The following NALF1 variants were observed in gnomAD, a reference collection of about 807,000 sequenced individuals.
NALF1 encodes family with sequence similarity 155 member A.
In NALF1, 3 loss-of-function variants were observed where a neutral mutation model predicts 48.4. The ratio of observed to expected loss-of-function variants is 0.06; its 90% CI spans 0.03 to 0.16. The LOEUF (loss-of-function observed/expected upper bound fraction) is 0.16, where lower values mean the gene tolerates loss of function less well. Ranked by LOEUF, NALF1 falls within the 10% of genes least tolerant of loss-of-function variation. The probability of loss-of-function intolerance (pLI) is 1.00; values close to 1 mark genes in which losing one functional copy is unlikely to be tolerated. For synonymous variants in NALF1, 262 were observed against 245.7 expected, an observed-to-expected ratio of 1.07 and a Z score of -0.62; for missense variants, 526 against 571.5, an observed-to-expected ratio of 0.92 and a Z score of 0.81.
chr13:107,579,999 T>C (rs1878260097), intron 1 of NALF1, among the ~76,000 whole-genome samples: 1 of 151,916 alleles, frequency 6.6e-6, no homozygotes. Context: ...CATGCACACG[T>C]ATGTTTATTG....
At chr13:107,510,157 A>T (rs906852722) in intron 1 of NALF1, among the ~76,000 whole-genome samples, 1 of 152,148 alleles carries the variant, frequency 6.6e-6, no homozygotes, top group Non-Finnish European at 1.5e-5. Flanking sequence ...TCCCGGTAGA[A>T]CACCTAATTA....
rs368835639 is a variant in NALF1 at position 107,309,686 on chromosome 13, G to A, written c.916-98931C>T. Among the ~76,000 whole-genome samples the A allele has an allele frequency of 9.7e-4, 147 of 152,288 alleles. 1 individual carries two copies. Among genetic ancestry groups the A allele is most frequent in the African/African-American group, 3.3e-3 (137 of 41,560 alleles). ...GTTAAGACAGAATCAGCCCCATTTGGTGTGATTATTCTCAATTCTGAGTCT... is the reference window on the plus strand; with the variant it reads ...GTTAAGACAGAATCAGCCCCATTTGATGTGATTATTCTCAATTCTGAGTCT... On this transcript the variant is annotated intron_variant, in intron 1 of 2. Transcript: ENST00000375915.
intron 1 of NALF1, among the ~76,000 whole-genome samples, chr13:107,228,977 C>T (rs990752043): frequency 3.2e-4 from 49 of 151,946 alleles, no homozygotes; most frequent in African/African-American, 1.1e-3. Context: ...AAAAACCCTC[C>T]ATTTCAATCA....
chr13:107,624,144 A>G (rs1879604771), intron 1 of NALF1, among the ~76,000 whole-genome samples: 1 of 152,170 alleles, frequency 6.6e-6, no homozygotes, highest in Non-Finnish European at 1.5e-5. Context: ...TACAAACAAG[A>G]CAACTGAGGT....
At chr13:107,612,440 C>T (rs1006633530) in intron 1 of NALF1, among the ~76,000 whole-genome samples, 1 of 151,998 alleles carries the variant, frequency 6.6e-6, no homozygotes, top group African/African-American at 2.4e-5. Context: ...TTGCCTGGGC[C>T]ATGGATTGCC....
chr13:107,587,916 G>T (rs1037251582), intron 1 of NALF1, among the ~76,000 whole-genome samples: 1 of 152,092 alleles, frequency 6.6e-6, no homozygotes, highest in African/African-American at 2.4e-5. Context: ...CCTCTCTTCT[G>T]TATCTCCAGG....
chr13:107,537,120 A>G (rs1247420797), intron 1 of NALF1, among the ~76,000 whole-genome samples: 1 of 152,080 alleles, frequency 6.6e-6, no homozygotes, highest in Non-Finnish European at 1.5e-5. Context: ...TAGAAGATAT[A>G]CCTAATGTAA....
intron 1 of NALF1, among the ~76,000 whole-genome samples, chr13:107,493,982 T>TGGTC: frequency 6.6e-6 from 1 of 152,246 alleles, no homozygotes; most frequent in East Asian, 1.9e-4. Flanking sequence ...GCAGAAGACA[T>TGGTC]TGTTTTCATT....
At chr13:107,208,779 AAT>A (rs1879695106) in intron 2 of NALF1, among the ~76,000 whole-genome samples, 1 of 152,184 alleles carries the variant, frequency 6.6e-6, no homozygotes. Flanking sequence ...AATATGAATT[AAT>A]AGCCTGTGTC....
chr13:107,301,205 G>T (rs1299584647), intron 1 of NALF1, among the ~76,000 whole-genome samples: 1 of 152,138 alleles, frequency 6.6e-6, no homozygotes, highest in African/African-American at 2.4e-5. Flanking sequence ...GTTACTCACT[G>T]TGCTGCTGTA....
At chr13:107,769,729 C>T (rs1877523726) in intron 1 of NALF1, among the ~76,000 whole-genome samples, 1 of 151,262 alleles carries the variant, frequency 6.6e-6, no homozygotes, top group South Asian at 2.1e-4. Context: ...GGTTTTAGTC[C>T]TAAAAAAACG....
At chr13:107,534,902 A>G (rs1179232973) in intron 1 of NALF1, among the ~76,000 whole-genome samples, 1 of 152,118 alleles carries the variant, frequency 6.6e-6, no homozygotes, top group Non-Finnish European at 1.5e-5. Context: ...GCATCCACAT[A>G]CCAAGATTTC....
intron 1 of NALF1, among the ~76,000 whole-genome samples, chr13:107,526,782 A>G (rs969093897): frequency 6.6e-6 from 1 of 152,190 alleles, no homozygotes; most frequent in Admixed American, 6.6e-5. Flanking sequence ...ACTCAAAATC[A>G]GTGAAAATCT....
At chr13:107,551,012 G>C (rs1394138689) in intron 1 of NALF1, among the ~76,000 whole-genome samples, 1 of 151,888 alleles carries the variant, frequency 6.6e-6, no homozygotes, top group Non-Finnish European at 1.5e-5. Flanking sequence ...CCCGTATGTG[G>C]TACCTGTAAC....
At chr13:107,789,582 G>A (rs953907721) in intron 1 of NALF1, among the ~76,000 whole-genome samples, 8 of 152,116 alleles carry the variant, frequency 5.3e-5, no homozygotes, top group African/African-American at 1.9e-4. Flanking sequence ...GTAAGCAATG[G>A]CTACACCCCA....
chr13:107,660,244 C>G (rs1880691715), intron 1 of NALF1, among the ~76,000 whole-genome samples: 1 of 151,616 alleles, frequency 6.6e-6, no homozygotes, highest in Non-Finnish European at 1.5e-5. Context: ...TCAAGACCAT[C>G]CTGGCCAAGA....
chr13:107,662,492 G>T (rs1880757490), intron 1 of NALF1, among the ~76,000 whole-genome samples: 1 of 152,144 alleles, frequency 6.6e-6, no homozygotes, highest in African/African-American at 2.4e-5. Context: ...CTGATAACTA[G>T]CAGATACACA....
At chr13:107,645,680 CAAAAAAAAAAAA>C (rs56187783) in intron 1 of NALF1, among the ~76,000 whole-genome samples, 40 of 132,500 alleles carry the variant, frequency 3.0e-4, no homozygotes, top group African/African-American at 7.6e-4. Context: ...TACTGGGAGA[CAAAAAAAAAAAA>C]AAAAAAAAAA....
At chr13:107,346,592 T>G (rs1336389025) in intron 1 of NALF1, among the ~76,000 whole-genome samples, 1 of 152,032 alleles carries the variant, frequency 6.6e-6, no homozygotes, top group Non-Finnish European at 1.5e-5. Flanking sequence ...GAAAGTAGAG[T>G]GATGATTGCC....
Sources: gnomAD v4.1 joint callset for allele counts (sites outside exome capture counted in the v4.1 genomes callset) on GRCh38, gnomAD v4.1.1 for gene constraint, MANE v1.5 for transcripts, NCBI Gene and HGNC (gene_info 2026-07-23, HGNC 2026-07-21) for gene names.